Variants in NCAPH observed in about 807,000 individuals in gnomAD.
The protein encoded by NCAPH is condensin complex subunit 2.
A neutral mutation model predicts 85.5 loss-of-function variants in NCAPH; 38 were observed. That is an observed-to-expected ratio of 0.44 (90% CI 0.34 to 0.58). The LOEUF is 0.58. Among genes scored for constraint, NCAPH ranks in the 20% least tolerant of loss-of-function variants. The pLI, the probability that NCAPH is intolerant of heterozygous loss-of-function variation, is 0.01. For missense variants in NCAPH, 789 were observed against 916.6 expected, an observed-to-expected ratio of 0.86 and a Z score of 1.80; for synonymous variants, 301 against 335.1, an observed-to-expected ratio of 0.90 and a Z score of 1.11.
intron 17 of NCAPH, among the ~76,000 whole-genome samples, chr2:96,370,404 G>A (rs958714476): frequency 6.6e-6 from 1 of 152,192 alleles, no homozygotes; most frequent in African/African-American, 2.4e-5. Flanking sequence ...GAATGGAATG[G>A]TAGCAAAAAT....
At position 96,354,298 on chromosome 2, in the gene NCAPH, T is replaced by C. The variant is rs750136011; in HGVS notation, c.1118T>C (p.Phe373Ser). 6.2e-6 allele frequency: 10 copies of C among 1,613,902 alleles called. No homozygotes were observed. Among genetic ancestry groups the C allele is most frequent in the Admixed American group, 5.0e-5 (3 of 59,990 alleles). ...CCCGATGGGTCCCTGGGGGATGACT[T>C]TGATGCCAACGATGAACCTGACCAC... ...DFPDGSLGDD[F>S]DANDEPDHTA... The change falls in exon 9 of 18, where the codon TTT becomes TCT. Residue 373 changes from phenylalanine to serine, a missense_variant. Transcript: ENST00000240423.
intron 1 of NCAPH, among the ~76,000 whole-genome samples, chr2:96,341,102 T>C (rs1028339787): frequency 1.3e-5 from 2 of 152,244 alleles, no homozygotes; most frequent in Non-Finnish European, 2.9e-5. Flanking sequence ...GAGTTTTTAT[T>C]GTAAAAGACA....
intron 6 of NCAPH, among the ~76,000 whole-genome samples, chr2:96,349,845 C>T (rs895746007): frequency 6.6e-6 from 1 of 152,150 alleles, no homozygotes; most frequent in Non-Finnish European, 1.5e-5. Flanking sequence ...CAGGAGAATA[C>T]AGGTAGATGA....
chr2:96,349,751 TC>T (rs1358946016), intron 6 of NCAPH, among the ~76,000 whole-genome samples: 1 of 152,226 alleles, frequency 6.6e-6, no homozygotes, highest in East Asian at 1.9e-4. Flanking sequence ...TGAGCCGATC[TC>T]TTTTGGACAC....
Position 96,374,261 on chromosome 2 carries a change from A to G in NCAPH, c.*910A>G, listed in dbSNP as rs1250123518. On this transcript the variant is annotated 3_prime_UTR_variant, in exon 18 of 18. Transcript: ENST00000240423. ...CTGCCTCCAGAGTCTGCTCTCGGCCATTGTGCTATGTGCTACCTGGATAGG... is the reference window on the plus strand; with the variant it reads ...CTGCCTCCAGAGTCTGCTCTCGGCCGTTGTGCTATGTGCTACCTGGATAGG... Among the ~76,000 whole-genome samples, 1 of 152,218 alleles carries G rather than the reference A, an allele frequency of 6.6e-6. No individual in the cohort carries two copies.
intron 1 of NCAPH, among the ~76,000 whole-genome samples, chr2:96,339,447 C>G (rs191181458): frequency 6.6e-5 from 10 of 152,124 alleles, no homozygotes; most frequent in Admixed American, 2.0e-4. Flanking sequence ...AAAAAAGTAG[C>G]TGGGCGTGGT....
intron 17 of NCAPH, among the ~76,000 whole-genome samples, chr2:96,372,307 G>A (rs1430847350): frequency 6.6e-6 from 1 of 152,046 alleles, no homozygotes; most frequent in African/African-American, 2.4e-5. Context: ...GTAGTTGAGG[G>A]GTGCCTGGAG....
Position 96,341,774 on chromosome 2 carries a change from T to G in NCAPH, c.152T>G (p.Val51Gly). 3 of 1,614,148 alleles carry G rather than the reference T, an allele frequency of 1.9e-6. No homozygotes were observed. Among genetic ancestry groups the G allele is most frequent in the South Asian group, 1.1e-5 (1 of 91,076 alleles). ...CCTCTCAATATTCCTGGCACCCCAG[T>G]CCTCGAAGACTTTCCTCAGAATGAC... ...KAPLNIPGTP[V>G]LEDFPQNDDE... Residue 51 changes from valine to glycine, a missense_variant, in exon 2 of 18, where the codon GTC becomes GGC. By Grantham distance (109) the Val-to-Gly change is moderately radical (BLOSUM62 -3). Transcript: ENST00000240423.
At chr2:96,342,676 G>C in intron 3 of NCAPH, 80 bp from the exon 4 acceptor site, 2 of 1,165,046 alleles carry the variant, frequency 1.7e-6, no homozygotes, top group South Asian at 1.3e-5. Flanking sequence ...TAAAGACTTA[G>C]CTTCCTCTGT....
rs1334340501 is a variant in NCAPH at position 96,373,295 on chromosome 2, C to A, written c.2170C>A (p.Leu724Ile). 3.7e-6 allele frequency: 6 copies of A among 1,613,696 alleles called. No homozygotes were observed. Among genetic ancestry groups the A allele is most frequent in the Non-Finnish European group, 5.1e-6 (6 of 1,179,722 alleles). ...GCATGTTTTGGTCTTCCCTCAGAAT[C>A]TAAAACTGGAAGGAACAGAGGACCT... is the stretch of plus-strand genomic sequence containing the variant. ...CLLHLANEKNLKLEGTEDLSD... is the reference protein window; with the variant it reads ...CLLHLANEKNIKLEGTEDLSD... The change falls in exon 18 of 18, where the codon CTA becomes ATA. Residue 724 changes from leucine (L) to isoleucine (I), a missense_variant. By Grantham distance (5) the Leu-to-Ile change is conservative. Coordinates refer to ENST00000240423, the MANE Select transcript of NCAPH (RefSeq NM_015341.5).
chr2:96,364,608 G>T lies in NCAPH; in HGVS notation c.1698+17G>T, dbSNP rs773466888. The T allele has an allele frequency of 3.4e-5, 53 of 1,540,968 alleles. No individual in the cohort carries two copies. Among genetic ancestry groups the T allele is most frequent in the Middle Eastern group, 1.7e-4 (1 of 5,954 alleles). On this transcript the variant is annotated intron_variant, in intron 13 of 17. Transcript: ENST00000240423. Reference sequence around the variant, plus strand: ...GGATTACAGGTAAAGGGGGGAAAGGGGCTCTGTCCTCTCTTCTAAGCCAGG... The same window carrying T: ...GGATTACAGGTAAAGGGGGGAAAGGTGCTCTGTCCTCTCTTCTAAGCCAGG...
At chr2:96,338,916 T>C (rs974984452) in intron 1 of NCAPH, among the ~76,000 whole-genome samples, 3 of 152,160 alleles carry the variant, frequency 2.0e-5, no homozygotes, top group Non-Finnish European at 4.4e-5. Context: ...GTTCATGCCA[T>C]TCTTCTGTCT....
intron 7 of NCAPH, 84 bp from the exon 8 acceptor site, chr2:96,353,222 C>T: frequency 9.0e-7 from 1 of 1,107,766 alleles, no homozygotes; most frequent in Non-Finnish European, 1.3e-6. Context: ...CATCTCTCGT[C>T]CCACTCAGTA....
Position 96,374,628 on chromosome 2 carries a change from A to G in NCAPH, c.*1277A>G, listed in dbSNP as rs1197717932. On this transcript the variant is annotated 3_prime_UTR_variant, in exon 18 of 18. Coordinates refer to ENST00000240423, the MANE Select transcript of NCAPH (RefSeq NM_015341.5). ...ACAAAAATAATCCCCTCCCCACAGG[A>G]ATATGCTTTCCAAATTGTGTCCAAA... Among the ~76,000 whole-genome samples, 1 of 152,218 alleles carries G rather than the reference A, an allele frequency of 6.6e-6. No individual in the cohort carries two copies. Among genetic ancestry groups the G allele is most frequent in the African/African-American group, 2.4e-5 (1 of 41,458 alleles).
chr2:96,343,201 C>A lies in NCAPH; in HGVS notation c.492C>A (p.Ile164=). ...GTACTCTGGATGCCAGCACCAAGAT[C>A]TATGCTGTGCGCGTGGATGCCGTCC... ...AAGTLDASTK[I]YAVRVDAVHA... Residue 164 remains isoleucine (I), a synonymous_variant, in exon 5 of 18, where the codon ATC becomes ATA. Coordinates refer to ENST00000240423, the MANE Select transcript of NCAPH (RefSeq NM_015341.5). 6.2e-7 allele frequency: 1 copy of A among 1,614,128 alleles called. No individual in the cohort carries two copies. The highest frequency in any genetic ancestry group is 1.3e-5 in the African/African-American group (1 of 75,016).
chr2:96,355,572 C>T lies in NCAPH; in HGVS notation c.1208+1184C>T, dbSNP rs1182440040. Among the ~76,000 whole-genome samples, 5 of 152,040 alleles carry T rather than the reference C, an allele frequency of 3.3e-5. No homozygotes were observed. In the Middle Eastern group the frequency reaches 0.014, roughly 414 times the overall value. ...CCAGGCTCAGTAGCACCCTGCTCTC[C>T]GGAATTGTACTGTTCACATGGCTGC... On this transcript the variant is annotated intron_variant, in intron 9 of 17. Coordinates refer to ENST00000240423, the MANE Select transcript of NCAPH (RefSeq NM_015341.5).
chr2:96,362,775 T>C (rs2064643431), intron 12 of NCAPH, among the ~76,000 whole-genome samples: 1 of 152,200 alleles, frequency 6.6e-6, no homozygotes, highest in African/African-American at 2.4e-5. Flanking sequence ...GATGAGAAGT[T>C]GTTTCCTATG....
chr2:96,356,254 T>A (rs1307191767), intron 9 of NCAPH, among the ~76,000 whole-genome samples: 2 of 152,174 alleles, frequency 1.3e-5, no homozygotes, highest in Non-Finnish European at 2.9e-5. Flanking sequence ...CCCCTCCCCT[T>A]GCCACATCGC....
intron 14 of NCAPH, among the ~76,000 whole-genome samples, chr2:96,366,937 A>G (rs576303614): frequency 1.7e-4 from 26 of 151,542 alleles, no homozygotes; most frequent in African/African-American, 5.6e-4. Flanking sequence ...GTGAAATACC[A>G]TCTCTACTAA....
Sources: allele counts gnomAD v4.1 joint callset (sites outside exome capture counted in the v4.1 genomes callset), GRCh38; gene constraint gnomAD v4.1.1; transcripts MANE v1.5; gene names NCBI Gene and HGNC (gene_info 2026-07-23, HGNC 2026-07-21).